Variants in RBFOX2 observed in about 807,000 individuals in gnomAD.
RBFOX2 encodes RNA binding protein fox-1 homolog 2.
RBFOX2 carries 10 observed loss-of-function variants against 49.1 expected under a neutral mutation model. That is an observed-to-expected ratio of 0.20 (90% CI 0.13 to 0.35). The LOEUF (loss-of-function observed/expected upper bound fraction) is 0.35, where lower values mean the gene tolerates loss of function less well. RBFOX2 is among the 10% of genes least tolerant of loss of function. The pLI, the probability that RBFOX2 is intolerant of heterozygous loss-of-function variation, is 1.00. For synonymous variants in RBFOX2, 183 were observed against 187.4 expected (o/e 0.98, Z 0.19); for missense variants, 323 against 486.9 (o/e 0.66, Z 3.17).
intron 1 of RBFOX2, among the ~76,000 whole-genome samples, chr22:35,909,016 G>C (rs1017634223): frequency 6.6e-6 from 1 of 151,992 alleles, no homozygotes; most frequent in Non-Finnish European, 1.5e-5. Flanking sequence ...CTAATTTTTT[G>C]TATTTTTAGT....
intron 2 of RBFOX2, among the ~76,000 whole-genome samples, chr22:35,808,818 A>C (rs1178019857): frequency 3.3e-5 from 5 of 152,046 alleles, no homozygotes; most frequent in Admixed American, 3.3e-4. Context: ...ATGCCACTGC[A>C]CTCCAGCCTG....
At chr22:35,761,373 A>G (rs761053532) in intron 7 of RBFOX2, 42 bp downstream of exon 8, 1 of 1,607,396 alleles carries the variant, frequency 6.2e-7, no homozygotes, top group South Asian at 1.1e-5. Flanking sequence ...AGATGCTATT[A>G]CAATTAAATA....
chr22:35,927,467 G>T (rs1005370449), intron 1 of RBFOX2, among the ~76,000 whole-genome samples: 1 of 152,062 alleles, frequency 6.6e-6, no homozygotes, highest in African/African-American at 2.4e-5. Context: ...AGCTGGGTGT[G>T]GTGGCACATG....
At chr22:36,018,689 T>C (rs1448128156) in intron 1 of RBFOX2, among the ~76,000 whole-genome samples, 1 of 152,160 alleles carries the variant, frequency 6.6e-6, no homozygotes, top group Non-Finnish European at 1.5e-5. Context: ...TCTCTCCTCA[T>C]TGCAACCTCC....
intron 1 of RBFOX2, among the ~76,000 whole-genome samples, chr22:35,876,400 A>T (rs1005447762): frequency 2.0e-5 from 3 of 151,948 alleles, no homozygotes; most frequent in African/African-American, 7.3e-5. Flanking sequence ...TTATTTCTGA[A>T]ATGTGCTCGG....
intron 1 of RBFOX2, among the ~76,000 whole-genome samples, chr22:35,907,278 T>C (rs1193834413): frequency 6.6e-6 from 1 of 152,234 alleles, no homozygotes; most frequent in Non-Finnish European, 1.5e-5. Flanking sequence ...GCCCTAAGAC[T>C]AATTCCGACT....
intron 1 of RBFOX2, among the ~76,000 whole-genome samples, chr22:35,967,190 A>G (rs1001385229): frequency 3.9e-5 from 6 of 152,018 alleles, no homozygotes; most frequent in Non-Finnish European, 5.9e-5. Flanking sequence ...TCAAATCATC[A>G]TTTTTTCCTT....
rs1373384476 is a variant in RBFOX2 at position 35,873,251 on chromosome 22, C to T, written c.-33-63247G>A. On this transcript the variant is annotated intron_variant, in intron 1 of 13. Transcript: ENST00000359369. ...AGTTCAAGCAATTCTCATGCCTTGG[C>T]CTCCCATGTATCTGGGATTACAGGT... Among the ~76,000 whole-genome samples the T allele has an allele frequency of 1.3e-5, 2 of 152,082 alleles. 1 individual carries two copies. The highest frequency in any genetic ancestry group is 4.2e-4 in the South Asian group (2 of 4,818).
At chr22:35,813,536 TTC>T (rs1316855315) in intron 1 of RBFOX2, among the ~76,000 whole-genome samples, 1 of 152,254 alleles carries the variant, frequency 6.6e-6, no homozygotes, top group African/African-American at 2.4e-5. Flanking sequence ...ATAAACTTTC[TTC>T]TGTTTCCAGT....
chr22:35,764,925 T>TA (rs1397652198), intron 6 of RBFOX2, among the ~76,000 whole-genome samples: 3 of 152,042 alleles, frequency 2.0e-5, no homozygotes, highest in Non-Finnish European at 4.4e-5. Flanking sequence ...CAGAAAATGA[T>TA]ACACACACAA....
At chr22:35,967,542 G>A (rs940371499) in intron 1 of RBFOX2, among the ~76,000 whole-genome samples, 2 of 152,198 alleles carry the variant, frequency 1.3e-5, no homozygotes, top group African/African-American at 2.4e-5. Context: ...ACCCAGGGCT[G>A]TGTTAGGTGC....
At chr22:35,745,443 C>T (rs76926354) in intron 11 of RBFOX2, among the ~76,000 whole-genome samples, 5,922 of 152,282 alleles carry the variant, frequency 0.039, 412 homozygotes, top group African/African-American at 0.13. Context: ...TCCTATAAAG[C>T]ATTCACTTAG....
chr22:35,750,548 G>T, intron 9 of RBFOX2: 2 of 866,758 alleles, frequency 2.3e-6, no homozygotes, highest in Non-Finnish European at 3.8e-6. Flanking sequence ...CGGCTTTTTG[G>T]AACTCTGATA....
intron 2 of RBFOX2, among the ~76,000 whole-genome samples, chr22:35,786,508 C>G (rs1329766558): frequency 2.0e-5 from 3 of 152,116 alleles, no homozygotes; most frequent in Non-Finnish European, 2.9e-5. Context: ...CAAATTAGAT[C>G]AAGAAACAAG....
At chr22:35,973,572 G>C (rs1280724675) in intron 1 of RBFOX2, among the ~76,000 whole-genome samples, 1 of 152,306 alleles carries the variant, frequency 6.6e-6, no homozygotes, top group Admixed American at 6.5e-5. Context: ...GATTAGAACT[G>C]TCTGTTGTCA....
intron 1 of RBFOX2, among the ~76,000 whole-genome samples, chr22:35,868,811 T>C (rs2043997791): frequency 1.3e-5 from 2 of 152,156 alleles, no homozygotes; most frequent in Non-Finnish European, 2.9e-5. Context: ...AAAATAAAGA[T>C]TAAGAAACAA....
At chr22:35,957,600 T>A (rs1169307319) in intron 1 of RBFOX2, among the ~76,000 whole-genome samples, 1 of 152,184 alleles carries the variant, frequency 6.6e-6, no homozygotes, top group African/African-American at 2.4e-5. Context: ...AACAATTCTG[T>A]TAGATAGATA....
intron 2 of RBFOX2, among the ~76,000 whole-genome samples, chr22:35,804,541 G>T (rs1431093693): frequency 8.5e-5 from 13 of 152,054 alleles, no homozygotes; most frequent in Non-Finnish European, 5.9e-5. Context: ...CAACACCAGG[G>T]TTAACAGCTG....
intron 2 of RBFOX2, among the ~76,000 whole-genome samples, chr22:35,793,236 T>C (rs1246953489): frequency 6.6e-6 from 1 of 152,148 alleles, no homozygotes; most frequent in Non-Finnish European, 1.5e-5. Flanking sequence ...TAGCCAGGTG[T>C]GGTGGCAGGC....
Sources: allele counts gnomAD v4.1 joint callset (sites outside exome capture counted in the v4.1 genomes callset), GRCh38; gene constraint gnomAD v4.1.1; transcripts MANE v1.5; gene names NCBI Gene and HGNC (gene_info 2026-07-23, HGNC 2026-07-21).